Variants in CD96 observed in about 807,000 individuals in gnomAD.
CD96 encodes T-cell surface protein tactile.
In CD96, 70 loss-of-function variants were observed where a neutral mutation model predicts 71.3. The observed-to-expected ratio is 0.98, with a 90% CI of 0.81 to 1.20. CD96 has a LOEUF of 1.20. CD96 is among the 50% of genes most tolerant of loss of function. CD96 has a pLI of 0.00. For missense variants in CD96, 742 were observed against 677.5 expected (o/e 1.10, Z -1.06); for synonymous variants, 248 against 233.0 (o/e 1.06, Z -0.59).
At chr3:111,645,379 G>A (rs2107780280) in intron 12 of CD96, among the ~76,000 whole-genome samples, 1 of 152,228 alleles carries the variant, frequency 6.6e-6, no homozygotes, top group East Asian at 1.9e-4. Context: ...AGGGAAGAAT[G>A]AGAGGGGGCG....
rs1317993726 is a variant in CD96, at chr3:111,635,172, G to A, written c.1322-2024G>A. 3 of 153,150 alleles carry A rather than the reference G, an allele frequency of 2.0e-5. No individual in the cohort carries two copies. In the East Asian group the frequency reaches 5.8e-4, roughly 30 times the overall value. The allele number at this position is 153,150 out of a possible 1,614,324, so 9.5% of individuals were successfully genotyped here. A position where few individuals can be genotyped will look rare whatever the true frequency, so the allele number is the denominator to read the frequency against. ...GAATTGTTCATCTCTTCATCTTGCT[G>A]AAAGGCTATTTTTTATAATATCTTT... is the stretch of plus-strand genomic sequence containing the variant. On this transcript the variant is annotated intron_variant, in intron 10 of 13. Coordinates refer to ENST00000352690, the MANE Select transcript of CD96 (RefSeq NM_005816.5).
chr3:111,590,384 C>T (rs1936920844), intron 5 of CD96, among the ~76,000 whole-genome samples: 1 of 152,224 alleles, frequency 6.6e-6, no homozygotes, highest in Non-Finnish European at 1.5e-5. Flanking sequence ...TCAACATGCA[C>T]ACACTGTCTC....
chr3:111,550,135 A>T (rs772713922), intron 2 of CD96, among the ~76,000 whole-genome samples: 3 of 152,230 alleles, frequency 2.0e-5, no homozygotes, highest in African/African-American at 4.8e-5. Flanking sequence ...ACCTGGAAAC[A>T]TATTACATAA....
chr3:111,598,269 T>C, intron 6 of CD96, 59 bp downstream of exon 6: 2 of 808,592 alleles, frequency 2.5e-6, no homozygotes, highest in Non-Finnish European at 2.2e-6. Flanking sequence ...ACAAAGAACA[T>C]TAGAAATTGT....
chr3:111,614,413 TGAG>T lies in CD96; in HGVS notation c.1180+7625_1180+7627del, dbSNP rs1938119596. On this transcript the variant is annotated intron_variant, in intron 8 of 13. Coordinates refer to ENST00000352690, the MANE Select transcript of CD96 (RefSeq NM_005816.5). Reference sequence around the variant, plus strand: ...TAATCTGACTTAGGTGTCCTCTGGATGAGGAGAATAAAAATTGCCATATTGACT... The same window carrying T: ...TAATCTGACTTAGGTGTCCTCTGGATGAGAATAAAAATTGCCATATTGACT... Among the ~76,000 whole-genome samples, 5 of 152,280 alleles carry T rather than the reference TGAG, an allele frequency of 3.3e-5. No individual in the cohort carries two copies. The East Asian group carries it at 9.7e-4, about 29-fold the overall frequency.
chr3:111,604,801 T>C lies in CD96; in HGVS notation c.1088-1899T>C, dbSNP rs573313026. Among the ~76,000 whole-genome samples the C allele has an allele frequency of 6.4e-4, 97 of 152,346 alleles. 1 individual carries two copies. The highest frequency in any genetic ancestry group is 2.8e-3 in the Admixed American group (43 of 15,292). On this transcript the variant is annotated intron_variant, in intron 7 of 13. Transcript: ENST00000352690. ...TAGATAGTAAATATATTTTAGGCTT[T>C]GTAGACTTTTTAATCTCTATCACAA...
At chr3:111,544,535 A>AG (rs1009583729) in intron 1 of CD96, among the ~76,000 whole-genome samples, 2 of 152,150 alleles carry the variant, frequency 1.3e-5, no homozygotes, top group African/African-American at 4.8e-5. Context: ...ATGGCGTGTG[A>AG]GGGGGATTAA....
intron 8 of CD96, among the ~76,000 whole-genome samples, chr3:111,611,954 A>G (rs1937963900): frequency 6.6e-6 from 1 of 152,190 alleles, no homozygotes; most frequent in South Asian, 2.1e-4. Context: ...GTCAGTGCCC[A>G]TGTTATCCTG....
At chr3:111,555,914 G>T (rs1412276908) in intron 2 of CD96, among the ~76,000 whole-genome samples, 2 of 152,276 alleles carry the variant, frequency 1.3e-5, no homozygotes, top group East Asian at 3.8e-4. Flanking sequence ...TACCATACTT[G>T]ATACTGTCCT....
At chr3:111,655,044 A>G (rs1484174690), downstream of CD96, among the ~76,000 whole-genome samples, 1 of 152,224 alleles carries the variant, frequency 6.6e-6, no homozygotes, top group Non-Finnish European at 1.5e-5. Context: ...CAGGGATCTG[A>G]GAATTCCATC....
At chr3:111,639,041 G>C (rs1939469864) in intron 12 of CD96, among the ~76,000 whole-genome samples, 1 of 152,204 alleles carries the variant, frequency 6.6e-6, no homozygotes, top group African/African-American at 2.4e-5. Flanking sequence ...GATCATGGCA[G>C]ACAGGAAGCA....
chr3:111,581,576 A>T (rs181665603), intron 4 of CD96, among the ~76,000 whole-genome samples: 106 of 152,336 alleles, frequency 7.0e-4, no homozygotes, highest in African/African-American at 2.4e-3. Flanking sequence ...CACTTCCTGC[A>T]TCTCCTTCAC....
intron 3 of CD96, among the ~76,000 whole-genome samples, chr3:111,573,382 A>G (rs1212428253): frequency 2.6e-5 from 4 of 152,206 alleles, no homozygotes; most frequent in Admixed American, 2.6e-4. Context: ...TACACCTTTA[A>G]TAAAAATGTT....
chr3:111,545,013 T>C (rs1934313792), intron 1 of CD96, 33 bp from the exon 2 acceptor site: 1 of 1,559,112 alleles, frequency 6.4e-7, no homozygotes, highest in South Asian at 1.1e-5. Context: ...ATGTGAATTA[T>C]TTAAACTCAT....
chr3:111,566,979 T>A (rs1045462601), intron 2 of CD96, among the ~76,000 whole-genome samples: 2 of 152,110 alleles, frequency 1.3e-5, no homozygotes, highest in East Asian at 3.9e-4. Context: ...CTATGAACTT[T>A]GGGTGATAAT....
intron 9 of CD96, 138 bp from the exon 10 acceptor site, chr3:111,624,195 G>C: frequency 1.4e-6 from 1 of 710,582 alleles, no homozygotes; most frequent in Non-Finnish European, 2.6e-6. Flanking sequence ...ATGCCAGCTA[G>C]TGTTCCTGCA....
At chr3:111,577,406 C>CT in intron 3 of CD96, 1 of 860,576 alleles carries the variant, frequency 1.2e-6, no homozygotes, top group Non-Finnish European at 2.0e-6. Context: ...TCTCCACTTT[C>CT]TTCTCCTGTC....
chr3:111,574,313 A>C (rs1191526794), intron 3 of CD96, among the ~76,000 whole-genome samples: 1 of 152,210 alleles, frequency 6.6e-6, no homozygotes, highest in East Asian at 1.9e-4. Context: ...TAGCGCACAC[A>C]TGATGCTCAA....
intron 8 of CD96, chr3:111,612,815 CT>C (rs964767358): frequency 1.3e-5 from 12 of 957,452 alleles, no homozygotes; most frequent in Non-Finnish European, 1.5e-5. Flanking sequence ...TAATCTCTCC[CT>C]TTTTCAGACC....
Sources: gnomAD v4.1 joint callset for allele counts (sites outside exome capture counted in the v4.1 genomes callset) on GRCh38, gnomAD v4.1.1 for gene constraint, MANE v1.5 for transcripts, NCBI Gene and HGNC (gene_info 2026-07-23, HGNC 2026-07-21) for gene names.